HDAC8: variants seen among roughly 807,000 people sequenced by gnomAD.
HDAC8 encodes histone deacetylase 8.
A neutral mutation model predicts 32.2 loss-of-function variants in HDAC8; 1 was observed. That is an observed-to-expected ratio of 0.03 (90% CI 0.01 to 0.15). The LOEUF (loss-of-function observed/expected upper bound fraction) is 0.15, where lower values mean the gene tolerates loss of function less well. Ranked by LOEUF, HDAC8 falls within the 10% of genes least tolerant of loss-of-function variation. The pLI, the probability that HDAC8 is intolerant of heterozygous loss-of-function variation, is 1.00. For synonymous variants in HDAC8, 108 were observed against 113.9 expected, an observed-to-expected ratio of 0.95 and a Z score of 0.33; for missense variants, 117 against 300.0, an observed-to-expected ratio of 0.39 and a Z score of 4.51.
At chrX:72,475,405 G>A (rs1469370639) in intron 7 of HDAC8, among the ~76,000 whole-genome samples, 1 of 112,040 alleles carries the variant, frequency 8.9e-6, no homozygotes, top group Non-Finnish European at 1.9e-5. Context: ...AGGACCCAAA[G>A]TATTACTAGT....
At chrX:72,386,261 C>T (rs2045423141) in intron 9 of HDAC8, among the ~76,000 whole-genome samples, 1 of 111,407 alleles carries the variant, frequency 9.0e-6, no homozygotes, top group Non-Finnish European at 1.9e-5. Context: ...ACAATATGTA[C>T]AGTATGGTAC....
At chrX:72,468,072 A>G in intron 7 of HDAC8, 1 of 1,132,772 alleles carries the variant, frequency 8.8e-7, no homozygotes. Flanking sequence ...TCTTGTACAT[A>G]GTGCAAACTT....
intron 9 of HDAC8, among the ~76,000 whole-genome samples, chrX:72,456,875 C>T (rs1176137099): frequency 9.0e-6 from 1 of 111,030 alleles, no homozygotes; most frequent in Non-Finnish European, 1.9e-5. Flanking sequence ...CAAAGATCAG[C>T]ATTGCCCTGA....
intron 10 of HDAC8, among the ~76,000 whole-genome samples, chrX:72,331,916 ACAGTCATTC>A (rs2043536270): frequency 8.9e-6 from 1 of 112,327 alleles, no homozygotes; most frequent in South Asian, 3.7e-4. Flanking sequence ...TACCTCCTTT[ACAGTCATTC>A]CCATCCCTCC....
intron 7 of HDAC8, among the ~76,000 whole-genome samples, chrX:72,472,695 T>G (rs2048221352): frequency 8.9e-6 from 1 of 112,099 alleles, no homozygotes; most frequent in African/African-American, 3.2e-5. Flanking sequence ...ATATGTCAAT[T>G]TGTGAAGAGA....
At chrX:72,462,329 T>G in intron 8 of HDAC8, 1 of 314,687 alleles carries the variant, frequency 3.2e-6, no homozygotes. Flanking sequence ...CTGCAAAGAT[T>G]AAATAGGCTC....
chrX:72,357,410 G>C (rs782581183), intron 9 of HDAC8, among the ~76,000 whole-genome samples: 29 of 110,212 alleles, frequency 2.6e-4, no homozygotes, highest in Non-Finnish European at 4.7e-4. Flanking sequence ...TGCTGGGGGT[G>C]GGGGGAGCTT....
intron 9 of HDAC8, among the ~76,000 whole-genome samples, chrX:72,404,897 T>G (rs923503485): frequency 6.3e-5 from 7 of 111,218 alleles, no homozygotes; most frequent in Non-Finnish European, 1.1e-4. Flanking sequence ...ATCTGCAGAT[T>G]GTTGTTTTCA....
intron 9 of HDAC8, among the ~76,000 whole-genome samples, chrX:72,355,006 C>T (rs782257244): frequency 1.8e-5 from 2 of 111,960 alleles, no homozygotes; most frequent in South Asian, 3.8e-4. Context: ...CGCTTAGGGC[C>T]GAGATGTAGA....
chrX:72,550,998 T>C (rs1264025854), intron 4 of HDAC8, among the ~76,000 whole-genome samples: 1 of 110,062 alleles, frequency 9.1e-6, no homozygotes, highest in Non-Finnish European at 1.9e-5. Context: ...GTCAGGTATA[T>C]CAGTTAGCAA....
At chrX:72,519,720 G>A (rs781985541) in intron 4 of HDAC8, among the ~76,000 whole-genome samples, 4 of 111,253 alleles carry the variant, frequency 3.6e-5, no homozygotes, top group African/African-American at 1.3e-4. Flanking sequence ...CCCTCAAGTA[G>A]CTGGGACTAC....
At chrX:72,532,666 T>A (rs2050389324) in intron 4 of HDAC8, among the ~76,000 whole-genome samples, 1 of 110,306 alleles carries the variant, frequency 9.1e-6, no homozygotes. Context: ...CTTGTATATC[T>A]TTTTTTGAGA....
chrX:72,567,540 A>C, intron 4 of HDAC8: 1 of 430,634 alleles, frequency 2.3e-6, no homozygotes, highest in Non-Finnish European at 4.0e-6. Context: ...CCTCGAAGAC[A>C]GGGGAATTTC....
intron 9 of HDAC8, among the ~76,000 whole-genome samples, chrX:72,454,835 C>T (rs1244264248): frequency 2.7e-5 from 3 of 112,621 alleles, no homozygotes; most frequent in African/African-American, 9.7e-5. Flanking sequence ...TTGCTCACTG[C>T]CTATTGGATG....
intron 9 of HDAC8, among the ~76,000 whole-genome samples, chrX:72,427,863 T>C (rs782212791): frequency 6.4e-4 from 72 of 112,315 alleles, no homozygotes; most frequent in Middle Eastern, 9.2e-3. Context: ...GTGTCATGCA[T>C]TTAAGTAATA....
chrX:72,538,515 A>C (rs2050605651), intron 4 of HDAC8, among the ~76,000 whole-genome samples: 1 of 111,661 alleles, frequency 9.0e-6, no homozygotes, highest in Admixed American at 9.5e-5. Flanking sequence ...ACTGACACTG[A>C]AAAATTAGGA....
At chrX:72,427,602 T>TG (rs58102359) in intron 9 of HDAC8, among the ~76,000 whole-genome samples, 367 of 32,957 alleles carry the variant, frequency 0.011, 3 homozygotes, top group Non-Finnish European at 0.037. Context: ...TGTTGTGGGG[T>TG]GGGGGGGGGG....
rs1346178941 is a variant in HDAC8 at position 72,402,581 on chromosome X, C to T, written c.1006-50743G>A. Among the ~76,000 whole-genome samples the T allele has an allele frequency of 2.7e-5, 3 of 110,156 alleles. No individual in the cohort carries two copies. In the Admixed American group the frequency reaches 2.9e-4, roughly 11 times the overall value. On this transcript the variant is annotated intron_variant, in intron 9 of 10. Transcript: ENST00000373573. The stretch of plus-strand genomic sequence containing the variant: ...ATTCATCCGAAGTATTTTCTAATTT[C>T]CTTTGTGATTTATTCTTTGACCCAT...
At chrX:72,566,602 T>C (rs946860862) in intron 4 of HDAC8, among the ~76,000 whole-genome samples, 1 of 112,397 alleles carries the variant, frequency 8.9e-6, no homozygotes, top group Non-Finnish European at 1.9e-5. Flanking sequence ...TTGTTTTCTC[T>C]TGACCTAAGA....
Sources: allele counts gnomAD v4.1 joint callset (sites outside exome capture counted in the v4.1 genomes callset), GRCh38; gene constraint gnomAD v4.1.1; transcripts MANE v1.5; gene names NCBI Gene and HGNC (gene_info 2026-07-23, HGNC 2026-07-21).